The following UBE2H variants were observed in gnomAD, a reference collection of about 807,000 sequenced individuals.
UBE2H encodes ubiquitin-conjugating enzyme E2 H.
Under a neutral mutation model 29.0 loss-of-function variants are expected in UBE2H, and 3 were observed. The ratio of observed to expected loss-of-function variants is 0.10; its 90% CI spans 0.05 to 0.27. The LOEUF (loss-of-function observed/expected upper bound fraction) is 0.27. Among genes scored for constraint, UBE2H ranks in the 10% least tolerant of loss-of-function variants. The pLI is 1.00. For missense variants in UBE2H, 68 were observed against 228.2 expected (o/e 0.30, Z 4.52); for synonymous variants, 69 against 82.9 (o/e 0.83, Z 0.91).
At chr7:129,870,396 G>A (rs1341155172) in intron 3 of UBE2H, among the ~76,000 whole-genome samples, 2 of 152,168 alleles carry the variant, frequency 1.3e-5, no homozygotes, top group Non-Finnish European at 2.9e-5. Context: ...TGGGCAGATC[G>A]CTTGAGTATA....
chr7:129,887,356 G>A (rs1806384935), intron 1 of UBE2H, among the ~76,000 whole-genome samples: 1 of 151,636 alleles, frequency 6.6e-6, no homozygotes, highest in African/African-American at 2.4e-5. Context: ...CGAGTAGCTG[G>A]GATTACAGGT....
At chr7:129,858,981 G>T in intron 3 of UBE2H, 40 bp from the exon 4 acceptor site, 1 of 1,541,438 alleles carries the variant, frequency 6.5e-7, no homozygotes, top group South Asian at 1.1e-5. Context: ...AAAGTATCCA[G>T]AGAACAATAA....
At chr7:129,909,852 G>A (rs1194091006) in intron 1 of UBE2H, among the ~76,000 whole-genome samples, 1 of 152,160 alleles carries the variant, frequency 6.6e-6, no homozygotes, top group African/African-American at 2.4e-5. Flanking sequence ...CTAAGGAGCA[G>A]CTTGAAAGAG....
At chr7:129,946,972 C>T (rs2116532562) in intron 1 of UBE2H, among the ~76,000 whole-genome samples, 1 of 152,232 alleles carries the variant, frequency 6.6e-6, no homozygotes, top group Non-Finnish European at 1.5e-5. Context: ...TCTGTTAAGA[C>T]TGAAAAGAAT....
rs1455264509 is a variant in UBE2H, at chr7:129,952,586, G to A, written c.-31C>T. The A allele has an allele frequency of 1.2e-6, 2 of 1,607,346 alleles. No homozygotes were observed. The highest frequency in any genetic ancestry group is 1.7e-5 in the Admixed American group (1 of 59,826). Reference sequence around the variant, plus strand: ...CGCCGCCGCCTCTCTCCCTTCCTCGGCCCGTCTGTCACGGGCCCGGGGCCC... The same window carrying A: ...CGCCGCCGCCTCTCTCCCTTCCTCGACCCGTCTGTCACGGGCCCGGGGCCC... On this transcript the variant is annotated 5_prime_UTR_variant, in exon 1 of 7. Coordinates refer to ENST00000355621, the MANE Select transcript of UBE2H (RefSeq NM_003344.4).
intron 3 of UBE2H, among the ~76,000 whole-genome samples, chr7:129,861,332 AAAGT>A (rs1276223181): frequency 6.6e-6 from 1 of 152,226 alleles, no homozygotes; most frequent in Non-Finnish European, 1.5e-5. Context: ...TAAGAAACTG[AAAGT>A]AAGTACAAAT....
intron 1 of UBE2H, among the ~76,000 whole-genome samples, chr7:129,910,647 C>T (rs1475211224): frequency 2.0e-5 from 3 of 151,806 alleles, no homozygotes; most frequent in Non-Finnish European, 2.9e-5. Flanking sequence ...TTTGGAAGGC[C>T]GAGGAAGGCT....
chr7:129,862,858 T>G (rs1805828091), intron 3 of UBE2H, among the ~76,000 whole-genome samples: 2 of 152,168 alleles, frequency 1.3e-5, no homozygotes, highest in African/African-American at 4.8e-5. Flanking sequence ...ATTCACATAC[T>G]TGGCTTAACA....
At chr7:129,837,838 AT>A (rs1287683832) in intron 6 of UBE2H, among the ~76,000 whole-genome samples, 1 of 152,202 alleles carries the variant, frequency 6.6e-6, no homozygotes, top group African/African-American at 2.4e-5. Flanking sequence ...CAACATGAAC[AT>A]TTCCGAAGGC....
intron 5 of UBE2H, among the ~76,000 whole-genome samples, chr7:129,854,060 G>GTTTTTTTTTT: frequency 1.0e-5 from 1 of 100,282 alleles, no homozygotes; most frequent in African/African-American, 4.0e-5. Flanking sequence ...TTTAGTGTTA[G>GTTTTTTTTTT]TTTTTTTTTT....
intron 1 of UBE2H, among the ~76,000 whole-genome samples, chr7:129,932,129 C>T (rs1323948374): frequency 7.4e-6 from 1 of 134,378 alleles, no homozygotes; most frequent in Non-Finnish European, 1.6e-5. Flanking sequence ...GCCCACTTTG[C>T]TTTTTTTTTT....
At chr7:129,906,810 T>C (rs1199878275) in intron 1 of UBE2H, among the ~76,000 whole-genome samples, 1 of 152,146 alleles carries the variant, frequency 6.6e-6, no homozygotes, top group Non-Finnish European at 1.5e-5. Context: ...TAAAGCTGGT[T>C]GAGAGAAACA....
chr7:129,857,792 C>T (rs1805732711), intron 4 of UBE2H, among the ~76,000 whole-genome samples: 1 of 152,188 alleles, frequency 6.6e-6, no homozygotes, highest in African/African-American at 2.4e-5. Context: ...AACCAGACAA[C>T]ACCTGAACCA....
Position 129,858,928 on chromosome 7 carries a change from T to C in UBE2H, c.219A>G (p.Lys73=). 6.2e-7 allele frequency: 1 copy of C among 1,611,080 alleles called. No individual in the cohort carries two copies. Among genetic ancestry groups the C allele is most frequent in the Non-Finnish European group, 8.5e-7 (1 of 1,178,458 alleles). ...CTTCATCAATGTTGGGATGGAAAAT[T>C]TTATTCATGAATCCTGTAAAAAGAG... The part of the protein sequence containing the change: ...FKSPSIGFMN[K]IFHPNIDEAS... Residue 73 remains lysine (K), a synonymous_variant, in exon 4 of 7, where the codon AAA becomes AAG. Transcript: ENST00000355621.
intron 1 of UBE2H, among the ~76,000 whole-genome samples, chr7:129,931,469 A>G (rs753153195): frequency 2.6e-5 from 4 of 152,134 alleles, no homozygotes; most frequent in Non-Finnish European, 5.9e-5. Flanking sequence ...CAAAATATTA[A>G]TTCATTTAAA....
intron 1 of UBE2H, among the ~76,000 whole-genome samples, chr7:129,925,676 C>A (rs996937336): frequency 3.3e-4 from 51 of 152,278 alleles, no homozygotes; most frequent in African/African-American, 1.1e-3. Flanking sequence ...GAGGGACACT[C>A]AGAAAAGTTC....
intron 3 of UBE2H, among the ~76,000 whole-genome samples, chr7:129,870,720 A>AT (rs1806013159): frequency 1.4e-5 from 2 of 140,756 alleles, no homozygotes; most frequent in South Asian, 4.3e-4. Flanking sequence ...TAGAATGATC[A>AT]TTAAAAAAAC....
chr7:129,868,921 GTCTC>G (rs202047380), intron 3 of UBE2H, among the ~76,000 whole-genome samples: 1 of 143,154 alleles, frequency 7.0e-6, no homozygotes, highest in Non-Finnish European at 1.5e-5. Flanking sequence ...TGACACCCGG[GTCTC>G]TCTCTCTCTC....
chr7:129,879,417 C>A, intron 3 of UBE2H, 151 bp downstream of exon 3: 1 of 702,136 alleles, frequency 1.4e-6, no homozygotes, highest in Non-Finnish European at 2.5e-6. Flanking sequence ...AGAAGTTCCC[C>A]CCAAAAGTCA....
Sources: gnomAD v4.1 joint callset for allele counts (sites outside exome capture counted in the v4.1 genomes callset) on GRCh38, gnomAD v4.1.1 for gene constraint, MANE v1.5 for transcripts, NCBI Gene and HGNC (gene_info 2026-07-23, HGNC 2026-07-21) for gene names.